PHF20: variants seen among roughly 807,000 people sequenced by gnomAD.
The protein encoded by PHF20 is glioma-expressed antigen 2.
In PHF20, 23 loss-of-function variants were observed where a neutral mutation model predicts 113.5. The observed-to-expected ratio is 0.20, with a 90% confidence interval of 0.15 to 0.29. PHF20 has a LOEUF of 0.29. Among genes scored for constraint, PHF20 ranks in the 10% least tolerant of loss-of-function variants. The pLI, the probability that PHF20 is intolerant of heterozygous loss-of-function variation, is 1.00. For synonymous variants in PHF20, 434 were observed against 457.3 expected (o/e 0.95, Z 0.65); for missense variants, 943 against 1,219.6 (o/e 0.77, Z 3.38).
intron 2 of PHF20, among the ~76,000 whole-genome samples, chr20:35,827,442 G>A (rs2042280318): frequency 6.6e-6 from 1 of 152,224 alleles, no homozygotes; most frequent in Non-Finnish European, 1.5e-5. Flanking sequence ...AGACACCCAT[G>A]TGGATGTGGT....
At chr20:35,867,268 T>G (rs146972276) in intron 6 of PHF20, among the ~76,000 whole-genome samples, 1 of 152,246 alleles carries the variant, frequency 6.6e-6, no homozygotes, top group East Asian at 1.9e-4. Context: ...ATTTTAATTT[T>G]TATTTTTTTG....
At chr20:35,907,949 T>G (rs1429399055) in intron 10 of PHF20, among the ~76,000 whole-genome samples, 2 of 152,206 alleles carry the variant, frequency 1.3e-5, no homozygotes, top group African/African-American at 4.8e-5. Context: ...AGTACTTGTT[T>G]TAAGAATTTG....
chr20:35,923,589 C>A (rs2147100643), intron 13 of PHF20, among the ~76,000 whole-genome samples: 1 of 152,296 alleles, frequency 6.6e-6, no homozygotes, highest in South Asian at 2.1e-4. Context: ...ACCTTATCCC[C>A]ACCTTATCCC....
chr20:35,867,028 T>C (rs777528831), intron 6 of PHF20, among the ~76,000 whole-genome samples: 1 of 152,216 alleles, frequency 6.6e-6, no homozygotes, highest in Non-Finnish European at 1.5e-5. Context: ...AGATGACTTA[T>C]ACTGTAAGAA....
Position 35,857,562 on chromosome 20 carries a change from C to CTTTTTTTTTTTTTTTTTTTTTTTTT in PHF20, c.341-716_341-715insTTTTTTTTTTTTTTTTTTTTTTTTT, listed in dbSNP as rs56655276. ...CAATACCTTTAGCTGAATGATGTTC[C>CTTTTTTTTTTTTTTTTTTTTTTTTT]TTTTTTTTTTTTTTTTTTTTTTTTG... On this transcript the variant is annotated intron_variant, in intron 4 of 17. Transcript: ENST00000374012. Among the ~76,000 whole-genome samples, 6 of 99,674 alleles carry CTTTTTTTTTTTTTTTTTTTTTTTTT rather than the reference C, an allele frequency of 6.0e-5. 1 individual carries two copies. The highest frequency in any genetic ancestry group is 7.4e-5 in the Non-Finnish European group (4 of 54,412). The allele number at this position is 99,674 out of a possible 152,430, so 65.4% of individuals were successfully genotyped here. A position where few individuals can be genotyped will look rare whatever the true frequency, so the allele number is the denominator to read the frequency against.
intron 3 of PHF20, among the ~76,000 whole-genome samples, chr20:35,844,543 CCACACACACACACA>C (rs61622083): frequency 4.9e-4 from 58 of 117,726 alleles, no homozygotes; most frequent in East Asian, 7.6e-4. Flanking sequence ...TTCACCATCA[CCACACACACACACA>C]CACACACACA....
intron 1 of PHF20, among the ~76,000 whole-genome samples, chr20:35,783,600 A>G (rs1053864281): frequency 7.5e-6 from 1 of 133,788 alleles, no homozygotes; most frequent in Non-Finnish European, 1.6e-5. Context: ...TTTTTTTTTT[A>G]TTATTTATAG....
At chr20:35,933,558 G>A (rs951466629) in intron 15 of PHF20, among the ~76,000 whole-genome samples, 14 of 151,960 alleles carry the variant, frequency 9.2e-5, no homozygotes, top group African/African-American at 3.4e-4. Flanking sequence ...CACCACGCCC[G>A]GCTAATTTTT....
At chr20:35,773,455 C>G (rs1011386548) in intron 1 of PHF20, among the ~76,000 whole-genome samples, 1 of 152,192 alleles carries the variant, frequency 6.6e-6, no homozygotes, top group African/African-American at 2.4e-5. Flanking sequence ...GCACTTTTCT[C>G]TGTGCTTCTG....
intron 1 of PHF20, among the ~76,000 whole-genome samples, chr20:35,779,360 A>C (rs1183518373): frequency 1.3e-5 from 2 of 151,914 alleles, no homozygotes; most frequent in African/African-American, 4.8e-5. Context: ...ATTCAGTGAT[A>C]GTTTATTCCA....
chr20:35,853,237 G>T (rs1474631303), intron 4 of PHF20: 1 of 136,576 alleles, frequency 7.3e-6, no homozygotes, highest in Non-Finnish European at 1.6e-5. Flanking sequence ...AAAAAAAAAA[G>T]AAAGAAAAAA....
chr20:35,896,081 ATGTGTGTGTGTG>A (rs10633976), intron 9 of PHF20, among the ~76,000 whole-genome samples: 18 of 143,214 alleles, frequency 1.3e-4, no homozygotes, highest in Admixed American at 2.1e-4. Flanking sequence ...ATGCTTTGGG[ATGTGTGTGTGTG>A]TGTGTGTGTG....
At chr20:35,899,273 G>A (rs769654235) in intron 9 of PHF20, 97 bp from the exon 10 acceptor site, 5 of 983,936 alleles carry the variant, frequency 5.1e-6, no homozygotes, top group Non-Finnish European at 6.0e-6. Context: ...ACATTTGCAC[G>A]CTAGTCTTTC....
chr20:35,909,788 C>G (rs2055264416), intron 10 of PHF20, among the ~76,000 whole-genome samples: 1 of 152,306 alleles, frequency 6.6e-6, no homozygotes, highest in African/African-American at 2.4e-5. Context: ...GTAGGCACAG[C>G]CCACTCTTCC....
At chr20:35,816,701 C>T (rs1600774857) in intron 2 of PHF20, among the ~76,000 whole-genome samples, 1 of 152,092 alleles carries the variant, frequency 6.6e-6, no homozygotes, top group South Asian at 2.1e-4. Flanking sequence ...ATTCGCCCGC[C>T]TCAGCCTCCG....
chr20:35,853,357 G>GGA (rs2042773979), intron 4 of PHF20: 1 of 152,112 alleles, frequency 6.6e-6, no homozygotes, highest in African/African-American at 2.4e-5. Context: ...ACTACTTTCA[G>GGA]ACCAGCCTGA....
intron 13 of PHF20, among the ~76,000 whole-genome samples, chr20:35,918,891 C>A (rs965979194): frequency 6.6e-6 from 1 of 152,210 alleles, no homozygotes. Flanking sequence ...GCCCATTGTC[C>A]AATAAGAATC....
chr20:35,901,605 C>T (rs1322831788), intron 10 of PHF20, among the ~76,000 whole-genome samples: 1 of 152,114 alleles, frequency 6.6e-6, no homozygotes, highest in African/African-American at 2.4e-5. Context: ...AATTAATCTC[C>T]TTTTCAGTCC....
At chr20:35,785,526 G>C (rs1463964173) in intron 1 of PHF20, among the ~76,000 whole-genome samples, 1 of 151,660 alleles carries the variant, frequency 6.6e-6, no homozygotes, top group Non-Finnish European at 1.5e-5. Flanking sequence ...CACCACGTTG[G>C]CCAGGCTGGT....
Sources: gnomAD v4.1 joint callset for allele counts (sites outside exome capture counted in the v4.1 genomes callset) on GRCh38, gnomAD v4.1.1 for gene constraint, MANE v1.5 for transcripts, NCBI Gene and HGNC (gene_info 2026-07-23, HGNC 2026-07-21) for gene names.